FAM237A: variants seen among roughly 807,000 people sequenced by gnomAD.
The protein encoded by FAM237A is protein FAM237A.
FAM237A carries 14 observed loss-of-function variants against 12.5 expected under a neutral mutation model. That is an observed-to-expected ratio of 1.12 (90% CI 0.74 to 1.75). The LOEUF (loss-of-function observed/expected upper bound fraction) is 1.75. FAM237A is among the 40% of genes most tolerant of loss of function. FAM237A has a pLI of 0.00. For missense variants in FAM237A, 240 were observed against 211.7 expected (o/e 1.13, Z -0.83); for synonymous variants, 85 against 77.5 (o/e 1.10, Z -0.51).
At chr2:206,646,513 G>A (rs1220464846) in intron 2 of FAM237A, among the ~76,000 whole-genome samples, 5 of 152,072 alleles carry the variant, frequency 3.3e-5, no homozygotes, top group Non-Finnish European at 5.9e-5. Context: ...CACTTCCTTC[G>A]TCTTGCTACG....
Position 206,649,008 on chromosome 2 carries a change from G to T in FAM237A, c.*214G>T. On this transcript the variant is annotated 3_prime_UTR_variant, in exon 3 of 3. Transcript: ENST00000441223. ...TGTTTCTTCTAATGGTGACATTACT[G>T]CCAGTCTATCCCACAGTCTAAAGGA... is the stretch of plus-strand genomic sequence containing the variant. 1 of 274,336 alleles carries T rather than the reference G, an allele frequency of 3.6e-6. No homozygotes were observed. The highest frequency in any genetic ancestry group is 6.5e-5 in the South Asian group (1 of 15,400). The allele number at this position is 274,336 out of a possible 1,614,324, so 17.0% of individuals were successfully genotyped here.
chr2:206,644,531 T>C lies in FAM237A; in HGVS notation c.295T>C (p.Trp99Arg). 3 of 1,614,032 alleles carry C rather than the reference T, an allele frequency of 1.9e-6. No individual in the cohort carries two copies. The highest frequency in any genetic ancestry group is 1.1e-5 in the South Asian group (1 of 91,078). Residue 99 changes from tryptophan to arginine, a missense_variant, in exon 2 of 3, where the codon TGG becomes CGG. Trp to Arg is a moderately radical substitution (Grantham distance 101, BLOSUM62 -3). Transcript: ENST00000441223. ...ALFWDLAQLF[W>R]DIYVDCVLSR... ...GTTTTGGGATCTGGCCCAACTCTTC[T>C]GGGACATCTATGTGGACTGTGTGCT...
intron 2 of FAM237A, among the ~76,000 whole-genome samples, chr2:206,648,008 T>C (rs1699339003): frequency 6.6e-6 from 1 of 152,216 alleles, no homozygotes; most frequent in Admixed American, 6.5e-5. Flanking sequence ...ATAGTGCTTA[T>C]ATTTTAAACA....
At chr2:206,648,592 A>G in intron 2 of FAM237A, 69 bp from the exon 3 acceptor site, 2 of 1,445,192 alleles carry the variant, frequency 1.4e-6, no homozygotes, top group Middle Eastern at 1.8e-4. Flanking sequence ...TTTAAAGATA[A>G]TTTATTGATA....
chr2:206,644,477 T>C lies in FAM237A; in HGVS notation c.241T>C (p.Ser81Pro). Residue 81 changes from serine to proline, a missense_variant, in exon 2 of 3, where the codon TCA becomes CCA. Coordinates refer to ENST00000441223, the MANE Select transcript of FAM237A (RefSeq NM_001102659.3). ...GFWDFMIYLK[S>P]SENLKHGALF... ...CTGGGATTTTATGATCTACCTGAAG[T>C]CATCTGAGAACTTGAAGCATGGAGC... 1 of 1,614,002 alleles carries C rather than the reference T, an allele frequency of 6.2e-7. No individual in the cohort carries two copies. The highest frequency in any genetic ancestry group is 2.2e-5 in the East Asian group (1 of 44,880).
At chr2:206,644,081 G>A in intron 1 of FAM237A, 146 bp from the exon 2 acceptor site, 1 of 755,410 alleles carries the variant, frequency 1.3e-6, no homozygotes, top group Non-Finnish European at 2.0e-6. Context: ...CGGAGCTTGT[G>A]ATATGGGAGC....
In FAM237A at chr2:206,644,179, A is replaced by T. The variant is rs142190393; in HGVS notation, c.-10-48A>T. 1,915 of 1,473,952 alleles carry T rather than the reference A, an allele frequency of 1.3e-3. 18 individuals are homozygous for T. In the African/African-American group the frequency reaches 0.025, roughly 19 times the overall value. The allele number at this position is 1,473,952 out of a possible 1,614,324, so 91.3% of individuals were successfully genotyped here. ...AAGGGCATACTTATTTTCTTTACTG[A>T]GCAGAGCACAAGCGGGGACTGATAA... On this transcript the variant is annotated intron_variant, in intron 1 of 2. Transcript: ENST00000441223.
intron 2 of FAM237A, among the ~76,000 whole-genome samples, chr2:206,646,655 G>A (rs779907938): frequency 2.6e-5 from 4 of 152,188 alleles, no homozygotes; most frequent in Non-Finnish European, 5.9e-5. Context: ...TGCAGACCAA[G>A]AAACAAGACT....
intron 1 of FAM237A, chr2:206,643,455 G>A (rs544938861): frequency 6.6e-6 from 1 of 152,226 alleles, no homozygotes; most frequent in African/African-American, 2.4e-5. Context: ...GTGGTATGTA[G>A]ATGACTCAAT....
At chr2:206,644,143 G>A in intron 1 of FAM237A, 84 bp from the exon 2 acceptor site, 2 of 1,243,916 alleles carry the variant, frequency 1.6e-6, no homozygotes, top group South Asian at 3.4e-5. Flanking sequence ...TTTGCTGGAA[G>A]TAAGGTTATT....
In FAM237A at chr2:206,644,381, T is replaced by C. The variant is rs757128796; in HGVS notation, c.145T>C (p.Cys49Arg). The C allele has an allele frequency of 6.8e-6, 11 of 1,613,734 alleles. No homozygotes were observed. In the Admixed American group the frequency reaches 1.8e-4, roughly 27 times the overall value. ...GGCTCTTAGCCAAGCTGATCCTCAG[T>C]GCTGGGAATCCTCCTCAGTGCTTCT... Reference protein sequence around the residue: ...LLALSQADPQCWESSSVLLLE... With the variant: ...LLALSQADPQRWESSSVLLLE... The change falls in exon 2 of 3, where the codon TGC (cysteine) becomes CGC (arginine). Residue 49 changes from cysteine (C) to arginine (R), a missense_variant. Cys to Arg is a radical substitution (Grantham distance 180). Coordinates refer to ENST00000441223, the MANE Select transcript of FAM237A (RefSeq NM_001102659.3).
intron 1 of FAM237A, chr2:206,643,576 T>G (rs1451841600): frequency 1.3e-5 from 2 of 152,158 alleles, no homozygotes; most frequent in Non-Finnish European, 2.9e-5. Flanking sequence ...AACATTATCT[T>G]TATGAAAGTT....
At position 206,649,224 on chromosome 2, in the gene FAM237A, T is replaced by A. The variant is rs2105883486; in HGVS notation, c.*430T>A. Among the ~76,000 whole-genome samples, 1 of 152,324 alleles carries A rather than the reference T, an allele frequency of 6.6e-6. No individual in the cohort carries two copies. The highest frequency in any genetic ancestry group is 2.1e-4 in the South Asian group (1 of 4,828). On this transcript the variant is annotated 3_prime_UTR_variant, in exon 3 of 3. Coordinates refer to ENST00000441223, the MANE Select transcript of FAM237A (RefSeq NM_001102659.3). ...GGGACTACATTTTGGAATTACTAGT[T>A]ACTGACAATCTATGATATCTGAATC...
intron 2 of FAM237A, among the ~76,000 whole-genome samples, chr2:206,648,248 C>T (rs559154519): frequency 1.6e-4 from 24 of 152,212 alleles, no homozygotes; most frequent in Admixed American, 1.0e-3. Context: ...AAATGTCCCA[C>T]GATAGGGTAG....
At position 206,642,633 on chromosome 2, in the gene FAM237A, G is replaced by A. The variant is rs886131924; in HGVS notation, c.-11+51G>A. Reference sequence around the variant, plus strand: ...GGGTCCCTGGCAGCTCCGCCCTGCGGAGGGTGAGGCTGCGCAATCAAGTGC... The same window carrying A: ...GGGTCCCTGGCAGCTCCGCCCTGCGAAGGGTGAGGCTGCGCAATCAAGTGC... On this transcript the variant is annotated intron_variant, in intron 1 of 2. Transcript: ENST00000441223. This position sits in a 1 kb window ranked among gnomAD's most constrained non-coding sequence, Gnocchi z 5.1. 1.3e-5 allele frequency: 2 copies of A among 152,756 alleles called. No homozygotes were observed. Among genetic ancestry groups the A allele is most frequent in the Non-Finnish European group, 2.9e-5 (2 of 68,480 alleles). The allele number at this position is 152,756 out of a possible 1,614,324, so 9.5% of individuals were successfully genotyped here.
chr2:206,646,973 G>A (rs116509100), intron 2 of FAM237A, among the ~76,000 whole-genome samples: 207 of 152,230 alleles, frequency 1.4e-3, no homozygotes, highest in Non-Finnish European at 1.6e-3. Context: ...AAGTGTCTAC[G>A]TAATATGCAA....
Position 206,644,384 on chromosome 2 carries a change from TG to T in FAM237A, c.151del (p.Glu51AsnfsTer26). 6.2e-7 allele frequency: 1 copy of T among 1,613,842 alleles called. No individual in the cohort carries two copies. The highest frequency in any genetic ancestry group is 8.5e-7 in the Non-Finnish European group (1 of 1,179,816). ...TCTTAGCCAAGCTGATCCTCAGTGC[TG>T]GGAATCCTCCTCAGTGCTTCTCCTG... Reference protein sequence around the residue: ...LALSQADPQCWESSSVLLLEM... With the variant: ...LALSQADPQCXESSSVLLLEM... On this transcript the variant is annotated frameshift_variant, in exon 2 of 3. Coordinates refer to ENST00000441223, the MANE Select transcript of FAM237A (RefSeq NM_001102659.3). LOFTEE classifies it high-confidence loss of function.
Position 206,648,966 on chromosome 2 carries a change from AT to A in FAM237A, c.*176del. On this transcript the variant is annotated 3_prime_UTR_variant, in exon 3 of 3. Coordinates refer to ENST00000441223, the MANE Select transcript of FAM237A (RefSeq NM_001102659.3). ...GCTGCCTTCTATTATTTATTTATTT[AT>A]TTTAGGCTGCTAGCATGTTTCTTCT... The A allele has an allele frequency of 2.7e-6, 1 of 376,584 alleles. No homozygotes were observed. The highest frequency in any genetic ancestry group is 4.4e-6 in the Non-Finnish European group (1 of 225,438). The allele number at this position is 376,584 out of a possible 1,614,324, so 23.3% of individuals were successfully genotyped here.
chr2:206,647,632 G>GAC (rs34672675), intron 2 of FAM237A, among the ~76,000 whole-genome samples: 12,110 of 139,506 alleles, frequency 0.087, 599 homozygotes, highest in African/African-American at 0.14. Flanking sequence ...GAGACACACA[G>GAC]ACACACACAC....
Sources: gnomAD v4.1 joint callset for allele counts (sites outside exome capture counted in the v4.1 genomes callset) on GRCh38, gnomAD v4.1.1 for gene constraint, Gnocchi (gnomAD v3.1) non-coding constraint, MANE v1.5 for transcripts, NCBI Gene and HGNC (gene_info 2026-07-23, HGNC 2026-07-21) for gene names.